NXPE2: variants seen among roughly 807,000 people sequenced by gnomAD.
NXPE2 encodes neurexophilin and PC-esterase domain family member 2.
A neutral mutation model predicts 34.4 loss-of-function variants in NXPE2; 34 were observed. The observed-to-expected ratio is 0.99, with a 90% CI of 0.75 to 1.31. The LOEUF is 1.31. Ranked by LOEUF, NXPE2 falls within the 40% of genes most tolerant of loss-of-function variation. The pLI is 0.00. For synonymous variants in NXPE2, 235 were observed against 231.3 expected (o/e 1.02, Z -0.15); for missense variants, 649 against 672.5 (o/e 0.97, Z 0.39).
At chr11:114,509,649 C>G in the NXPE2 span, among the ~76,000 whole-genome samples, 1 of 152,058 alleles carries the variant, frequency 6.6e-6, no homozygotes, top group South Asian at 2.1e-4. Context: ...AGGCCATTAT[C>G]CTTAGCAAAC....
chr11:114,798,629 G>A, the NXPE2 span, among the ~76,000 whole-genome samples: 9 of 152,230 alleles, frequency 5.9e-5, no homozygotes, highest in East Asian at 7.7e-4. Flanking sequence ...TGATCCTCCC[G>A]CCTTGGCCTC....
At chr11:114,478,468 G>A in the NXPE2 span, among the ~76,000 whole-genome samples, 1 of 151,996 alleles carries the variant, frequency 6.6e-6, no homozygotes, top group African/African-American at 2.4e-5. Flanking sequence ...AGGGAGAGGA[G>A]GTGTCTTTCC....
chr11:114,720,945 A>G, the NXPE2 span, among the ~76,000 whole-genome samples: 1 of 152,062 alleles, frequency 6.6e-6, no homozygotes, highest in Non-Finnish European at 1.5e-5. Flanking sequence ...TAGGTGATGA[A>G]CAGAAGAGAC....
chr11:114,526,779 A>T, the NXPE2 span: 1 of 152,192 alleles, frequency 6.6e-6, no homozygotes, highest in Non-Finnish European at 1.5e-5. Flanking sequence ...ACAAGGAATA[A>T]TTTTTTAGTG....
At chr11:114,586,712 C>A in the NXPE2 span, among the ~76,000 whole-genome samples, 1 of 152,150 alleles carries the variant, frequency 6.6e-6, no homozygotes, top group East Asian at 1.9e-4. Context: ...GGACTAATTC[C>A]AGCCTCCAAC....
At chr11:114,537,450 G>A in the NXPE2 span, among the ~76,000 whole-genome samples, 1 of 152,146 alleles carries the variant, frequency 6.6e-6, no homozygotes, top group Non-Finnish European at 1.5e-5. Context: ...GCAGGAGAAG[G>A]GGATAAAGGG....
chr11:114,705,884 C>T lies in NXPE2; in HGVS notation c.1032C>T (p.Ile344=). The T allele has an allele frequency of 9.1e-6, 14 of 1,542,394 alleles. No individual in the cohort carries two copies. The highest frequency in any genetic ancestry group is 1.1e-5 in the Non-Finnish European group (13 of 1,142,412). Residue 344 remains isoleucine (I), a synonymous_variant, in exon 5 of 6, where the codon ATC becomes ATT. Coordinates refer to ENST00000389586, the MANE Select transcript of NXPE2 (RefSeq NM_182495.6). ...GGATTACAGCATTTTGTAAACAGAT[C>T]AAGTTCAATGAAACAAAAAATATAA... ...KMWITAFCKQ[I]KFNETKNIND...
chr11:114,607,612 G>C, the NXPE2 span, among the ~76,000 whole-genome samples: 5 of 148,348 alleles, frequency 3.4e-5, no homozygotes, highest in African/African-American at 9.9e-5. Flanking sequence ...TGAGTAACCA[G>C]TGTTACCCGG....
chr11:114,582,718 C>T, the NXPE2 span: 1 of 1,614,164 alleles, frequency 6.2e-7, no homozygotes, highest in Non-Finnish European at 8.5e-7. Flanking sequence ...AAATCCCCGC[C>T]ATATTGCTTC....
chr11:114,808,943 A>G, the NXPE2 span, among the ~76,000 whole-genome samples: 145,659 of 152,160 alleles, frequency 0.96, 70,050 homozygotes, highest in Middle Eastern at 1. Flanking sequence ...AAAAATCCTC[A>G]GTAAAACACC....
At chr11:114,573,560 G>A in the NXPE2 span, among the ~76,000 whole-genome samples, 1 of 152,068 alleles carries the variant, frequency 6.6e-6, no homozygotes, top group Non-Finnish European at 1.5e-5. Context: ...GCAAGCAGGA[G>A]TAGCAATTCT....
the NXPE2 span, among the ~76,000 whole-genome samples, chr11:114,492,089 A>T: frequency 6.6e-6 from 1 of 152,124 alleles, no homozygotes; most frequent in African/African-American, 2.4e-5. Flanking sequence ...CAGCACACCA[A>T]CATGGCACAT....
chr11:114,716,750 T>G, the NXPE2 span, among the ~76,000 whole-genome samples: 1 of 152,132 alleles, frequency 6.6e-6, no homozygotes, highest in Non-Finnish European at 1.5e-5. Context: ...CAGAAGGCAG[T>G]TTGGTATCAG....
intron 3 of NXPE2, among the ~76,000 whole-genome samples, chr11:114,699,169 T>C (rs1322711778): frequency 6.6e-6 from 1 of 152,168 alleles, no homozygotes; most frequent in Non-Finnish European, 1.5e-5. Flanking sequence ...GCTTTACCCC[T>C]TACATCCAGT....
chr11:114,569,130 G>C, the NXPE2 span, among the ~76,000 whole-genome samples: 3 of 152,106 alleles, frequency 2.0e-5, no homozygotes, highest in African/African-American at 7.2e-5. Context: ...TTTTTTTCCA[G>C]ATGCAAGTAC....
the NXPE2 span, among the ~76,000 whole-genome samples, chr11:114,790,086 C>A: frequency 6.6e-6 from 1 of 152,178 alleles, no homozygotes; most frequent in African/African-American, 2.4e-5. Context: ...CCTGCTGCTC[C>A]CTGTGTCAAG....
At chr11:114,766,277 G>A in the NXPE2 span, among the ~76,000 whole-genome samples, 1 of 151,974 alleles carries the variant, frequency 6.6e-6, no homozygotes, top group Non-Finnish European at 1.5e-5. Flanking sequence ...TTCCCTCCAA[G>A]CTGCCCTTCC....
the NXPE2 span, among the ~76,000 whole-genome samples, chr11:114,491,168 C>CAAAAAAAAAAAAAAAAAA: frequency 3.7e-5 from 2 of 53,544 alleles, no homozygotes; most frequent in Admixed American, 1.9e-4. Flanking sequence ...GACTCCGTCT[C>CAAAAAAAAAAAAAAAAAA]AAAAAAAAAA....
chr11:114,571,332 T>A, the NXPE2 span: 1 of 1,614,078 alleles, frequency 6.2e-7, no homozygotes, highest in Non-Finnish European at 8.5e-7. Context: ...GGTGAGGTAC[T>A]CCATCTCTTT....
Sources: allele counts gnomAD v4.1 joint callset (sites outside exome capture counted in the v4.1 genomes callset), GRCh38; gene constraint gnomAD v4.1.1; transcripts MANE v1.5; gene names NCBI Gene and HGNC (gene_info 2026-07-23, HGNC 2026-07-21).